Variants in RNF13 observed in about 807,000 individuals in gnomAD.
RNF13 encodes ring finger protein 13.
In RNF13, 19 loss-of-function variants were observed where a neutral mutation model predicts 37.7. That is an observed-to-expected ratio of 0.50 (90% CI 0.35 to 0.74). The LOEUF is 0.74. RNF13 is among the 30% of genes least tolerant of loss of function. The pLI is 0.01. For missense variants in RNF13, 375 were observed against 453.0 expected, an observed-to-expected ratio of 0.83 and a Z score of 1.56; for synonymous variants, 144 against 157.8, an observed-to-expected ratio of 0.91 and a Z score of 0.65.
At chr3:149,892,300 T>A (rs1714794595) in intron 4 of RNF13, among the ~76,000 whole-genome samples, 1 of 152,222 alleles carries the variant, frequency 6.6e-6, no homozygotes, top group South Asian at 2.1e-4. Context: ...CTAAGTTGCT[T>A]GGTACAGTTT....
chr3:149,825,433 G>A (rs907264920), intron 1 of RNF13, among the ~76,000 whole-genome samples: 2 of 152,080 alleles, frequency 1.3e-5, no homozygotes, highest in African/African-American at 4.8e-5. Flanking sequence ...CGGAGTGTTG[G>A]GATTACAGGT....
At chr3:149,825,265 C>T (rs1204500424) in intron 1 of RNF13, among the ~76,000 whole-genome samples, 1 of 151,810 alleles carries the variant, frequency 6.6e-6, no homozygotes, top group African/African-American at 2.4e-5. Context: ...TAACCTCTGC[C>T]TCCTGGGCTC....
intron 3 of RNF13, among the ~76,000 whole-genome samples, chr3:149,860,342 A>T (rs1386393714): frequency 1.3e-5 from 2 of 149,308 alleles, no homozygotes; most frequent in Admixed American, 1.3e-4. Context: ...GTATACACAC[A>T]TATATACATA....
chr3:149,927,254 C>T (rs1576549866), intron 8 of RNF13, among the ~76,000 whole-genome samples: 1 of 152,216 alleles, frequency 6.6e-6, no homozygotes, highest in African/African-American at 2.4e-5. Context: ...TGTCCTGTTT[C>T]TGACTTATTT....
intron 8 of RNF13, among the ~76,000 whole-genome samples, chr3:149,933,263 C>CT (rs764216660): frequency 0.017 from 2,372 of 139,210 alleles, 50 homozygotes; most frequent in African/African-American, 0.054. Flanking sequence ...CCTTTTGAGG[C>CT]TTTTTTTTTT....
chr3:149,831,105 G>T (rs12485980), intron 1 of RNF13, among the ~76,000 whole-genome samples: 5,076 of 152,350 alleles, frequency 0.033, 236 homozygotes, highest in East Asian at 0.23. Context: ...TGCTGCGGGG[G>T]TGAAGCCCTC....
chr3:149,833,404 C>T (rs904507938), intron 1 of RNF13, among the ~76,000 whole-genome samples: 6 of 152,018 alleles, frequency 3.9e-5, no homozygotes, highest in East Asian at 1.9e-4. Flanking sequence ...TTCAGCAGCA[C>T]GTTAAAAGCA....
chr3:149,828,276 T>A (rs1720699702), intron 1 of RNF13, among the ~76,000 whole-genome samples: 2 of 152,236 alleles, frequency 1.3e-5, no homozygotes, highest in Non-Finnish European at 2.9e-5. Flanking sequence ...AATGTTGTTT[T>A]GATGATTAGA....
At chr3:149,882,380 T>C (rs1195678412) in intron 4 of RNF13, among the ~76,000 whole-genome samples, 1 of 152,182 alleles carries the variant, frequency 6.6e-6, no homozygotes, top group Admixed American at 6.5e-5. Context: ...GATAATCAGT[T>C]ACCTTAGTTG....
At chr3:149,879,887 A>G (rs1191815024) in intron 4 of RNF13, among the ~76,000 whole-genome samples, 1 of 152,140 alleles carries the variant, frequency 6.6e-6, no homozygotes, top group Admixed American at 6.5e-5. Context: ...GCTACATTAT[A>G]CTGTTTTCAT....
chr3:149,927,615 G>T (rs986468445), intron 8 of RNF13, among the ~76,000 whole-genome samples: 1 of 152,086 alleles, frequency 6.6e-6, no homozygotes, highest in Non-Finnish European at 1.5e-5. Context: ...CCACATCCTT[G>T]TCAACACTTG....
intron 8 of RNF13, among the ~76,000 whole-genome samples, chr3:149,936,168 T>G (rs2108568048): frequency 6.6e-6 from 1 of 152,278 alleles, no homozygotes. Flanking sequence ...CTCCTCTTTT[T>G]GTTTTTGACC....
intron 8 of RNF13, among the ~76,000 whole-genome samples, chr3:149,949,567 A>G (rs1031437111): frequency 3.3e-5 from 5 of 151,520 alleles, no homozygotes; most frequent in African/African-American, 9.7e-5. Flanking sequence ...TTGAATTTGT[A>G]TATCCATTTC....
At chr3:149,899,774 C>G (rs1715633083) in intron 5 of RNF13, among the ~76,000 whole-genome samples, 1 of 152,116 alleles carries the variant, frequency 6.6e-6, no homozygotes, top group Non-Finnish European at 1.5e-5. Flanking sequence ...GATGTTTAGT[C>G]TGAGAAACTA....
intron 8 of RNF13, among the ~76,000 whole-genome samples, chr3:149,943,375 G>C (rs1355958959): frequency 6.6e-6 from 1 of 151,986 alleles, no homozygotes; most frequent in Non-Finnish European, 1.5e-5. Flanking sequence ...TCCATCTGTT[G>C]CAACTGATGA....
Position 149,960,151 on chromosome 3 carries a change from G to A in RNF13, c.781+15G>A, listed in dbSNP as rs370881979. 19 of 1,492,276 alleles carry A rather than the reference G, an allele frequency of 1.3e-5. 1 individual carries two copies. Among genetic ancestry groups the A allele is most frequent in the East Asian group, 4.5e-5 (2 of 44,242 alleles). The allele number at this position is 1,492,276 out of a possible 1,614,324, so 92.4% of individuals were successfully genotyped here. On this transcript the variant is annotated intron_variant, in intron 9 of 9. Transcript: ENST00000392894. ...CTGTTCCCATGGTATGAGTAATTAC[G>A]TACTGCTTTGAATTTACATATAGTA...
intron 1 of RNF13, among the ~76,000 whole-genome samples, chr3:149,845,361 T>C (rs1722542545): frequency 6.6e-6 from 1 of 152,212 alleles, no homozygotes; most frequent in African/African-American, 2.4e-5. Flanking sequence ...ATTTAGTCTT[T>C]TCACGGTATC....
chr3:149,816,803 A>G (rs1370589836), intron 1 of RNF13, among the ~76,000 whole-genome samples: 4 of 152,214 alleles, frequency 2.6e-5, no homozygotes, highest in Admixed American at 6.5e-5. Flanking sequence ...GGTCCAATGG[A>G]AGAGTGGAAG....
chr3:149,960,004 T>G, intron 8 of RNF13, 52 bp from the exon 9 acceptor site: 1 of 1,265,932 alleles, frequency 7.9e-7, no homozygotes, highest in Non-Finnish European at 1.2e-6. Flanking sequence ...AGGACTAACT[T>G]GAAAAGTTTG....
Sources: gnomAD v4.1 joint callset for allele counts (sites outside exome capture counted in the v4.1 genomes callset) on GRCh38, gnomAD v4.1.1 for gene constraint, MANE v1.5 for transcripts, NCBI Gene and HGNC (gene_info 2026-07-23, HGNC 2026-07-21) for gene names.